The following PDE4B variants were observed in gnomAD, a reference collection of about 807,000 sequenced individuals.
PDE4B encodes the protein 3',5'-cyclic-AMP phosphodiesterase 4B.
In PDE4B, 20 loss-of-function variants were observed where a neutral mutation model predicts 82.2. The observed-to-expected ratio is 0.24, with a 90% CI of 0.17 to 0.35. The LOEUF is 0.35. Among genes scored for constraint, PDE4B ranks in the 10% least tolerant of loss-of-function variants. PDE4B has a pLI of 1.00. For missense variants in PDE4B, 655 were observed against 907.2 expected (o/e 0.72, Z 3.57); for synonymous variants, 320 against 318.9 (o/e 1.00, Z -0.04).
At chr1:66,287,263 T>C (rs1362008348) in intron 7 of PDE4B, among the ~76,000 whole-genome samples, 1 of 152,114 alleles carries the variant, frequency 6.6e-6, no homozygotes, top group East Asian at 1.9e-4. Context: ...TTAGAGATAA[T>C]AGAAAGGTCA....
At chr1:66,130,187 C>T (rs1403052622) in intron 3 of PDE4B, among the ~76,000 whole-genome samples, 1 of 152,176 alleles carries the variant, frequency 6.6e-6, no homozygotes, top group Non-Finnish European at 1.5e-5. Context: ...CAACAGGTCC[C>T]TCATGGGAGA....
At chr1:65,973,056 G>C (rs1326107483) in intron 3 of PDE4B, among the ~76,000 whole-genome samples, 4 of 152,078 alleles carry the variant, frequency 2.6e-5, no homozygotes, top group Non-Finnish European at 1.5e-5. Flanking sequence ...CCCAGGGCTA[G>C]CCAGCTTTGA....
intron 7 of PDE4B, among the ~76,000 whole-genome samples, chr1:66,320,995 G>A (rs1659363216): frequency 6.6e-6 from 1 of 152,154 alleles, no homozygotes; most frequent in African/African-American, 2.4e-5. Flanking sequence ...CTCAGCAAGG[G>A]AGCTGAGTAT....
intron 3 of PDE4B, among the ~76,000 whole-genome samples, chr1:66,147,367 A>G (rs1440376203): frequency 6.6e-6 from 1 of 152,200 alleles, no homozygotes; most frequent in Non-Finnish European, 1.5e-5. Context: ...CTGAGGTTCA[A>G]TATTGACTTG....
At chr1:66,233,559 G>T (rs1159505958) in intron 3 of PDE4B, among the ~76,000 whole-genome samples, 3 of 152,120 alleles carry the variant, frequency 2.0e-5, no homozygotes, top group African/African-American at 7.2e-5. Context: ...GTAAAATGTT[G>T]AGTAGAAGCG....
intron 3 of PDE4B, among the ~76,000 whole-genome samples, chr1:66,021,355 C>T (rs1014406607): frequency 6.6e-6 from 1 of 152,076 alleles, no homozygotes; most frequent in Non-Finnish European, 1.5e-5. Flanking sequence ...CTTTTGTTGC[C>T]ATTGCTTTTG....
At chr1:66,109,420 G>T (rs548587910) in intron 3 of PDE4B, among the ~76,000 whole-genome samples, 11 of 151,808 alleles carry the variant, frequency 7.2e-5, no homozygotes, top group African/African-American at 2.2e-4. Context: ...GGAGCAGTAA[G>T]GTTTGCCCAA....
At position 65,887,110 on chromosome 1, in the gene PDE4B, T is replaced by TTCCC. The variant is rs1370805211; in HGVS notation, c.-70-26123_-70-26120dup. 3.1e-3 allele frequency among the ~76,000 whole-genome samples: 467 copies of TTCCC among 151,160 alleles called. 3 individuals are homozygous for TTCCC. The highest frequency in any genetic ancestry group is 0.011 in the African/African-American group (446 of 41,064). On this transcript the variant is annotated intron_variant, in intron 1 of 16. Coordinates refer to ENST00000341517, the MANE Select transcript of PDE4B (RefSeq NM_002600.4). ...TGGTTTCGATGTACATTTCCCATTT[T>TTCCC]TCCCTCCCTCCCTCCTTCCCTCCCT...
chr1:66,120,090 T>A (rs992315821), intron 3 of PDE4B, among the ~76,000 whole-genome samples: 8 of 152,182 alleles, frequency 5.3e-5, no homozygotes, highest in Admixed American at 2.6e-4. Context: ...TTTGTAGTAC[T>A]TTTTTACAAC....
intron 7 of PDE4B, among the ~76,000 whole-genome samples, chr1:66,299,480 G>A (rs991067492): frequency 6.6e-6 from 1 of 152,054 alleles, no homozygotes; most frequent in Non-Finnish European, 1.5e-5. Context: ...GGACATTTAG[G>A]CTAATTCCAT....
In PDE4B at chr1:65,963,737, C is replaced by T. The variant is rs75039003; in HGVS notation, c.281+44902C>T. On this transcript the variant is annotated intron_variant, in intron 3 of 16. Transcript: ENST00000341517. ...TTAGTGTGTTCACATTGGCCTGAGGCGAGCCCTGTCACACTCATTCTTCCT... is the reference window on the plus strand; with the variant it reads ...TTAGTGTGTTCACATTGGCCTGAGGTGAGCCCTGTCACACTCATTCTTCCT... 1.1e-4 allele frequency among the ~76,000 whole-genome samples: 17 copies of T among 152,278 alleles called. No homozygotes were observed. The East Asian group carries it at 2.7e-3, about 24-fold the overall frequency.
rs1320611147 is a variant in PDE4B at position 65,809,591 on chromosome 1, TTTGA to T, written c.-71+16347_-71+16350del. 2.0e-5 allele frequency among the ~76,000 whole-genome samples: 3 copies of T among 152,146 alleles called. No individual in the cohort carries two copies. In the East Asian group the frequency reaches 5.8e-4, roughly 29 times the overall value. Reference sequence around the variant, plus strand: ...TGAGGAGATCTAAACACTGCCTTCATTTGATTGGGAAATTATCTTAAGTACATGA... The same window carrying T: ...TGAGGAGATCTAAACACTGCCTTCATTTGGGAAATTATCTTAAGTACATGA... On this transcript the variant is annotated intron_variant, in intron 1 of 16. Coordinates refer to ENST00000341517, the MANE Select transcript of PDE4B (RefSeq NM_002600.4).
chr1:66,363,648 G>T, intron 12 of PDE4B, 77 bp downstream of exon 12: 7 of 1,205,086 alleles, frequency 5.8e-6, no homozygotes, highest in Non-Finnish European at 6.0e-6. Context: ...GTAGTAGCAT[G>T]TGCCTGTAGT....
At chr1:66,208,063 A>G (rs902908578) in intron 3 of PDE4B, among the ~76,000 whole-genome samples, 24 of 152,204 alleles carry the variant, frequency 1.6e-4, no homozygotes, top group African/African-American at 4.3e-4. Context: ...ATTACATGGT[A>G]TATTTTTCCA....
intron 3 of PDE4B, among the ~76,000 whole-genome samples, chr1:66,060,156 G>A (rs1416047673): frequency 6.6e-6 from 1 of 152,168 alleles, no homozygotes; most frequent in African/African-American, 2.4e-5. Flanking sequence ...TTTATATCTT[G>A]TGGTTTTCAA....
chr1:66,280,016 C>T (rs959151846), intron 7 of PDE4B, among the ~76,000 whole-genome samples: 1 of 152,188 alleles, frequency 6.6e-6, no homozygotes, highest in Non-Finnish European at 1.5e-5. Context: ...AACTAATTAT[C>T]AAGGACCCAT....
intron 3 of PDE4B, among the ~76,000 whole-genome samples, chr1:65,926,784 TAC>T (rs142986688): frequency 2.7e-5 from 4 of 150,366 alleles, no homozygotes; most frequent in Non-Finnish European, 5.9e-5. Flanking sequence ...AAATAACAAA[TAC>T]ACACACACAC....
chr1:65,809,955 G>C (rs1427518989), intron 1 of PDE4B, among the ~76,000 whole-genome samples: 2 of 152,206 alleles, frequency 1.3e-5, no homozygotes, highest in Non-Finnish European at 2.9e-5. Context: ...CTCTTAAAAT[G>C]CAGTTAAATT....
chr1:65,997,734 C>A (rs1422692707), intron 3 of PDE4B, among the ~76,000 whole-genome samples: 1 of 152,152 alleles, frequency 6.6e-6, no homozygotes, highest in African/African-American at 2.4e-5. Flanking sequence ...CTGATCTGGG[C>A]TTAGGAGACA....
Sources: gnomAD v4.1 joint callset for allele counts (sites outside exome capture counted in the v4.1 genomes callset) on GRCh38, gnomAD v4.1.1 for gene constraint, MANE v1.5 for transcripts, NCBI Gene and HGNC (gene_info 2026-07-23, HGNC 2026-07-21) for gene names.